SBF2: variants seen among roughly 807,000 people sequenced by gnomAD.
The protein encoded by SBF2 is SET binding factor 2.
Under a neutral mutation model 225.2 loss-of-function variants are expected in SBF2, and 112 were observed. That is an observed-to-expected ratio of 0.50 (90% CI 0.43 to 0.58). The LOEUF (loss-of-function observed/expected upper bound fraction) is 0.58. SBF2 is among the 20% of genes least tolerant of loss of function. The pLI is 0.00. For synonymous variants in SBF2, 763 were observed against 773.3 expected (o/e 0.99, Z 0.22); for missense variants, 1,996 against 2,206.2 (o/e 0.90, Z 1.91).
chr11:10,162,184 C>CTT (rs144690654), intron 2 of SBF2, among the ~76,000 whole-genome samples: 13 of 138,964 alleles, frequency 9.4e-5, no homozygotes, highest in African/African-American at 2.6e-4. Flanking sequence ...CCTACCTTGT[C>CTT]TTTTTTTTTT....
chr11:10,175,889 G>C (rs1956440052), intron 2 of SBF2, among the ~76,000 whole-genome samples: 1 of 152,008 alleles, frequency 6.6e-6, no homozygotes, highest in East Asian at 1.9e-4. Context: ...CATGGAAACT[G>C]AACAACCGGC....
At chr11:10,302,069 G>A (rs947645023) in intron 1 of SBF2, among the ~76,000 whole-genome samples, 1 of 151,770 alleles carries the variant, frequency 6.6e-6, no homozygotes, top group African/African-American at 2.4e-5. Context: ...TACTGTCCTT[G>A]CTCAACGTGA....
intron 1 of SBF2, among the ~76,000 whole-genome samples, chr11:10,278,900 C>T (rs538780324): frequency 6.6e-6 from 1 of 151,536 alleles, no homozygotes; most frequent in East Asian, 1.9e-4. Flanking sequence ...GGCATAACAA[C>T]CTATAATATA....
intron 17 of SBF2, among the ~76,000 whole-genome samples, chr11:9,880,255 T>A (rs1427625235): frequency 3.9e-5 from 6 of 152,180 alleles, no homozygotes; most frequent in African/African-American, 1.4e-4. Flanking sequence ...ATTAACTATA[T>A]CTGGCTGAGT....
At chr11:10,202,397 C>T (rs754640241) in intron 1 of SBF2, among the ~76,000 whole-genome samples, 4 of 152,184 alleles carry the variant, frequency 2.6e-5, no homozygotes, top group Non-Finnish European at 5.9e-5. Context: ...AAGTTTCCGG[C>T]AGTCTAGAAA....
chr11:9,862,158 C>A (rs1366533024), intron 17 of SBF2, among the ~76,000 whole-genome samples: 1 of 152,154 alleles, frequency 6.6e-6, no homozygotes, highest in Non-Finnish European at 1.5e-5. Context: ...ATCATTAACC[C>A]CCAAATACTT....
At chr11:9,904,802 A>G (rs1029791803) in intron 16 of SBF2, among the ~76,000 whole-genome samples, 1 of 152,200 alleles carries the variant, frequency 6.6e-6, no homozygotes, top group Non-Finnish European at 1.5e-5. Flanking sequence ...AGGTGAGAGG[A>G]TTGCTTGAGC....
Position 10,291,001 on chromosome 11 carries a change from G to A in SBF2, c.55+3014C>T, listed in dbSNP as rs144808610. On this transcript the variant is annotated intron_variant, in intron 1 of 39. Coordinates refer to ENST00000256190, the MANE Select transcript of SBF2 (RefSeq NM_030962.4). ...GCATGGAAAGTACAAGATGAGCCAG[G>A]AACAGGTTCTTGTGCCAAAAAGTAC... is the stretch of plus-strand genomic sequence containing the variant. 4.5e-3 allele frequency among the ~76,000 whole-genome samples: 684 copies of A among 152,276 alleles called. 5 individuals carry two copies. Among genetic ancestry groups the A allele is most frequent in the Non-Finnish European group, 7.6e-3 (516 of 68,016 alleles).
chr11:9,863,754 CTT>C lies in SBF2; in HGVS notation c.1930-5360_1930-5359del, dbSNP rs57525886. On this transcript the variant is annotated intron_variant, in intron 17 of 39. Coordinates refer to ENST00000256190, the MANE Select transcript of SBF2 (RefSeq NM_030962.4). The stretch of plus-strand genomic sequence containing the variant: ...ATTTGCTTTGTCCCTCCCTCTCTCT[CTT>C]TTTTTTTTTTTTTAAAGAAAGGACA... 3.4e-3 allele frequency among the ~76,000 whole-genome samples: 487 copies of C among 141,640 alleles called. 1 individual carries two copies. The highest frequency in any genetic ancestry group is 5.2e-3 in the Non-Finnish European group (336 of 64,494). The allele number at this position is 141,640 out of a possible 152,430, so 92.9% of individuals were successfully genotyped here. A position where few individuals can be genotyped will look rare whatever the true frequency, so the allele number is the denominator to read the frequency against.
At chr11:10,184,109 G>A (rs1387785006) in intron 2 of SBF2, among the ~76,000 whole-genome samples, 1 of 151,866 alleles carries the variant, frequency 6.6e-6, no homozygotes, top group Non-Finnish European at 1.5e-5. Flanking sequence ...TAAACATGTA[G>A]AATTATTACA....
intron 1 of SBF2, among the ~76,000 whole-genome samples, chr11:10,278,964 G>A (rs1262674119): frequency 6.6e-6 from 1 of 151,858 alleles, no homozygotes; most frequent in Non-Finnish European, 1.5e-5. Flanking sequence ...TTTCAAGGCT[G>A]GGCGCAATGG....
intron 17 of SBF2, 126 bp from the exon 18 acceptor site, chr11:9,858,522 T>C: frequency 1.0e-6 from 1 of 988,552 alleles, no homozygotes; most frequent in Non-Finnish European, 1.5e-6. Context: ...CGTATGGTAG[T>C]ACAGGCTTAG....
At chr11:9,860,846 A>G (rs1358579216) in intron 17 of SBF2, among the ~76,000 whole-genome samples, 1 of 152,220 alleles carries the variant, frequency 6.6e-6, no homozygotes, top group Non-Finnish European at 1.5e-5. Flanking sequence ...ATTCTCACAA[A>G]GTACTTTTAG....
At chr11:10,062,560 T>G (rs1272753946) in intron 2 of SBF2, among the ~76,000 whole-genome samples, 1 of 152,080 alleles carries the variant, frequency 6.6e-6, no homozygotes, top group African/African-American at 2.4e-5. Context: ...AAAAAAGACA[T>G]ACATGTGGCC....
intron 2 of SBF2, among the ~76,000 whole-genome samples, chr11:10,192,550 A>C (rs1957214946): frequency 1.3e-5 from 2 of 152,194 alleles, no homozygotes; most frequent in African/African-American, 2.4e-5. Context: ...CTAATTAAAC[A>C]ATGGGACAAC....
intron 16 of SBF2, among the ~76,000 whole-genome samples, chr11:9,922,644 G>C (rs539939567): frequency 1.3e-5 from 2 of 152,174 alleles, no homozygotes; most frequent in African/African-American, 4.8e-5. Context: ...ATCATTTAAA[G>C]ACCATCTGTA....
chr11:10,045,171 CTT>C (rs59755660), intron 2 of SBF2, among the ~76,000 whole-genome samples: 99 of 141,686 alleles, frequency 7.0e-4, no homozygotes, highest in Admixed American at 9.8e-4. Context: ...TATTGCTTTT[CTT>C]TTTTTTTTTT....
chr11:9,912,884 A>G (rs1161827957), intron 16 of SBF2, among the ~76,000 whole-genome samples: 1 of 152,248 alleles, frequency 6.6e-6, no homozygotes, highest in Admixed American at 6.5e-5. Flanking sequence ...AGACATTTGT[A>G]AAACATATAA....
intron 2 of SBF2, among the ~76,000 whole-genome samples, chr11:10,160,068 A>G (rs975966176): frequency 6.6e-6 from 1 of 152,162 alleles, no homozygotes; most frequent in Non-Finnish European, 1.5e-5. Context: ...GGCAGTTACA[A>G]TTAGACACGA....
Sources: allele counts gnomAD v4.1 joint callset (sites outside exome capture counted in the v4.1 genomes callset), GRCh38; gene constraint gnomAD v4.1.1; transcripts MANE v1.5; gene names NCBI Gene and HGNC (gene_info 2026-07-23, HGNC 2026-07-21).